The following NBEA variants were observed in gnomAD, a reference collection of about 807,000 sequenced individuals.
The protein encoded by NBEA is neurobeachin, also known as lysosomal-trafficking regulator 2.
NBEA carries 44 observed loss-of-function variants against 343.4 expected under a neutral mutation model. The ratio of observed to expected loss-of-function variants is 0.13; its 90% CI spans 0.10 to 0.16. The LOEUF (loss-of-function observed/expected upper bound fraction) is 0.16, where lower values mean the gene tolerates loss of function less well. Ranked by LOEUF, NBEA falls within the 10% of genes least tolerant of loss-of-function variation. NBEA has a pLI of 1.00. For synonymous variants in NBEA, 1,175 were observed against 1,238.7 expected (o/e 0.95, Z 1.08); for missense variants, 2,555 against 3,631.3 (o/e 0.70, Z 7.62).
At chr13:35,442,491 T>C (rs2045793040) in intron 39 of NBEA, among the ~76,000 whole-genome samples, 1 of 152,162 alleles carries the variant, frequency 6.6e-6, no homozygotes, top group Non-Finnish European at 1.5e-5. Context: ...ATTCTTAAAA[T>C]ATGGTTTATC....
At chr13:35,505,526 C>T (rs1341292888) in intron 41 of NBEA, among the ~76,000 whole-genome samples, 1 of 152,058 alleles carries the variant, frequency 6.6e-6, no homozygotes, top group Non-Finnish European at 1.5e-5. Flanking sequence ...ATGTAATGAG[C>T]GTAAATACGG....
At chr13:35,318,501 G>C (rs1313473038) in intron 36 of NBEA, among the ~76,000 whole-genome samples, 1 of 152,168 alleles carries the variant, frequency 6.6e-6, no homozygotes, top group African/African-American at 2.4e-5. Flanking sequence ...GATTCCGTTT[G>C]CCAGTATGTT....
At chr13:35,069,268 A>G (rs2063772759) in intron 8 of NBEA, among the ~76,000 whole-genome samples, 1 of 152,108 alleles carries the variant, frequency 6.6e-6, no homozygotes. Context: ...TATTAGATTC[A>G]TATCTGCAGA....
At chr13:34,946,969 T>C (rs532668024) in intron 1 of NBEA, among the ~76,000 whole-genome samples, 2 of 151,786 alleles carry the variant, frequency 1.3e-5, no homozygotes, top group African/African-American at 4.8e-5. Context: ...AAACAAGGTG[T>C]CTTCTGCATT....
At chr13:35,164,948 A>T (rs2069872775) in intron 24 of NBEA, 3 of 383,934 alleles carry the variant, frequency 7.8e-6, no homozygotes, top group Non-Finnish European at 1.5e-5. Flanking sequence ...TTAATTGTGT[A>T]TGTCATTTAA....
intron 10 of NBEA, among the ~76,000 whole-genome samples, chr13:35,079,429 A>G (rs1228181353): frequency 1.3e-5 from 2 of 152,182 alleles, no homozygotes; most frequent in African/African-American, 2.4e-5. Flanking sequence ...TAACCTAGAG[A>G]TACTATTAAC....
intron 40 of NBEA, among the ~76,000 whole-genome samples, chr13:35,457,445 G>C (rs891689277): frequency 3.9e-5 from 6 of 152,042 alleles, no homozygotes; most frequent in Non-Finnish European, 7.4e-5. Context: ...CAATTTTCCT[G>C]TTCCCTCTTT....
At chr13:35,475,729 G>C (rs148963167) in intron 41 of NBEA, 1 of 1,613,750 alleles carries the variant, frequency 6.2e-7, no homozygotes, top group Admixed American at 1.7e-5. Flanking sequence ...TACCGCTTGA[G>C]CCACCAGCGT....
chr13:35,355,344 G>A (rs2040432574), intron 38 of NBEA, among the ~76,000 whole-genome samples: 1 of 152,092 alleles, frequency 6.6e-6, no homozygotes. Context: ...AGATCCCTCT[G>A]CTCCTATGCT....
intron 46 of NBEA, among the ~76,000 whole-genome samples, chr13:35,589,176 A>G (rs2081417049): frequency 6.6e-6 from 1 of 152,158 alleles, no homozygotes; most frequent in Non-Finnish European, 1.5e-5. Flanking sequence ...TTAATTAGTG[A>G]AAACTTTTGG....
At chr13:35,589,233 A>C (rs890549236) in intron 46 of NBEA, among the ~76,000 whole-genome samples, 7 of 152,084 alleles carry the variant, frequency 4.6e-5, no homozygotes, top group African/African-American at 1.7e-4. Flanking sequence ...AAATAGGAGA[A>C]AATAAACTTC....
intron 38 of NBEA, among the ~76,000 whole-genome samples, chr13:35,364,261 T>C (rs948404058): frequency 2.0e-5 from 3 of 151,828 alleles, no homozygotes; most frequent in African/African-American, 7.2e-5. Context: ...ACACAAATAG[T>C]CTATCAGCAA....
chr13:35,164,990 T>A (rs1337024230), intron 24 of NBEA: 1 of 467,790 alleles, frequency 2.1e-6, no homozygotes, highest in African/African-American at 2.0e-5. Context: ...CTTTGTATTT[T>A]AGTTGTCATT....
At chr13:35,650,763 G>A (rs2084478059) in intron 52 of NBEA, among the ~76,000 whole-genome samples, 1 of 152,160 alleles carries the variant, frequency 6.6e-6, no homozygotes, top group Non-Finnish European at 1.5e-5. Flanking sequence ...CCAGGGCAGA[G>A]TGGATGTGAC....
intron 34 of NBEA, among the ~76,000 whole-genome samples, chr13:35,245,033 A>G (rs1566511301): frequency 6.6e-6 from 1 of 151,966 alleles, no homozygotes; most frequent in Non-Finnish European, 1.5e-5. Flanking sequence ...TAGGGTTTTC[A>G]GCAAACAGCG....
At chr13:34,961,610 A>T (rs1047869120) in intron 1 of NBEA, among the ~76,000 whole-genome samples, 1 of 152,088 alleles carries the variant, frequency 6.6e-6, no homozygotes, top group Non-Finnish European at 1.5e-5. Flanking sequence ...CCGTATGTAA[A>T]GCTAGGCACT....
chr13:35,024,211 A>T (rs193122547), intron 1 of NBEA, among the ~76,000 whole-genome samples: 2 of 152,260 alleles, frequency 1.3e-5, no homozygotes, highest in East Asian at 3.9e-4. Context: ...CATGGTGTAT[A>T]TGCACCACAT....
chr13:34,995,981 A>G lies in NBEA; in HGVS notation c.295-44952A>G, dbSNP rs191122248. Reference sequence around the variant, plus strand: ...ACCAGAATTAGCTCAGAGCCTGAGCATTTGTTAACTTGTAGCTGTTGAAGC... The same window carrying G: ...ACCAGAATTAGCTCAGAGCCTGAGCGTTTGTTAACTTGTAGCTGTTGAAGC... On this transcript the variant is annotated intron_variant, in intron 1 of 58. Coordinates refer to ENST00000379939, the MANE Select transcript of NBEA (RefSeq NM_001385012.1). Among the ~76,000 whole-genome samples, 7 of 152,350 alleles carry G rather than the reference A, an allele frequency of 4.6e-5. No individual in the cohort carries two copies. In the East Asian group the frequency reaches 9.6e-4, roughly 21 times the overall value.
chr13:35,316,743 T>A (rs568799394), intron 36 of NBEA, among the ~76,000 whole-genome samples: 1 of 152,326 alleles, frequency 6.6e-6, no homozygotes, highest in East Asian at 1.9e-4. Context: ...ACAGCGTTCC[T>A]ATTTCTCCAT....
Sources: allele counts gnomAD v4.1 joint callset (sites outside exome capture counted in the v4.1 genomes callset), GRCh38; gene constraint gnomAD v4.1.1; transcripts MANE v1.5; gene names NCBI Gene and HGNC (gene_info 2026-07-23, HGNC 2026-07-21).